FRAS1: variants seen among roughly 807,000 people sequenced by gnomAD.
FRAS1 encodes the protein extracellular matrix organizing protein FRAS1.
Under a neutral mutation model 435.2 loss-of-function variants are expected in FRAS1, and 290 were observed. That is an observed-to-expected ratio of 0.67 (90% confidence interval 0.61 to 0.73). The LOEUF (loss-of-function observed/expected upper bound fraction) is 0.73. Ranked by LOEUF, FRAS1 falls within the 30% of genes least tolerant of loss-of-function variation. The probability of loss-of-function intolerance (pLI) is 0.00; values close to 1 mark genes in which losing one functional copy is unlikely to be tolerated. For missense variants in FRAS1, 4,860 were observed against 5,001.5 expected (o/e 0.97, Z 0.85); for synonymous variants, 1,800 against 1,851.0 (o/e 0.97, Z 0.71).
chr4:78,206,747 G>A (rs979953887), intron 2 of FRAS1, among the ~76,000 whole-genome samples: 2 of 152,160 alleles, frequency 1.3e-5, no homozygotes, highest in Non-Finnish European at 2.9e-5. Flanking sequence ...GGGGGGCCTG[G>A]GGAAATTTTA....
chr4:78,256,209 A>C (rs559193745), intron 6 of FRAS1, among the ~76,000 whole-genome samples: 1 of 152,362 alleles, frequency 6.6e-6, no homozygotes, highest in East Asian at 1.9e-4. Flanking sequence ...TAGACAAGAA[A>C]TGCTAAATGC....
intron 54 of FRAS1, among the ~76,000 whole-genome samples, chr4:78,477,600 A>G (rs1370865788): frequency 1.3e-5 from 2 of 152,164 alleles, no homozygotes; most frequent in East Asian, 1.9e-4. Flanking sequence ...TCATGTCCTT[A>G]TACAATAAAG....
intron 20 of FRAS1, 38 bp from the exon 21 acceptor site, chr4:78,363,475 G>C: frequency 6.4e-7 from 1 of 1,573,906 alleles, no homozygotes; most frequent in Non-Finnish European, 8.6e-7. Flanking sequence ...GTGCTCATGA[G>C]CACCCGTGCC....
At position 78,358,853 on chromosome 4, in the gene FRAS1, G is replaced by T. The variant is rs147008405; in HGVS notation, c.2423-4660G>T. 2.8e-3 allele frequency among the ~76,000 whole-genome samples: 422 copies of T among 152,276 alleles called. 2 individuals are homozygous for T. Among genetic ancestry groups the T allele is most frequent in the Non-Finnish European group, 3.9e-3 (268 of 68,024 alleles). On this transcript the variant is annotated intron_variant, in intron 20 of 73. Transcript: ENST00000512123. ...GGAATATGATGTCGCTGCTAAAAAT[G>T]ATGTTTACAGGAGTCCCTAATGACA... is the stretch of plus-strand genomic sequence containing the variant.
At chr4:78,462,815 C>T (rs777795223) in intron 47 of FRAS1, among the ~76,000 whole-genome samples, 19 of 152,118 alleles carry the variant, frequency 1.2e-4, no homozygotes, top group Non-Finnish European at 2.2e-4. Context: ...CCCCCATATT[C>T]GGGAGGCTCT....
At chr4:78,261,601 A>G (rs1159009300) in intron 6 of FRAS1, among the ~76,000 whole-genome samples, 1 of 152,138 alleles carries the variant, frequency 6.6e-6, no homozygotes, top group Non-Finnish European at 1.5e-5. Flanking sequence ...CATGTGAGAG[A>G]TGCTGTCCTT....
At chr4:78,339,096 A>G (rs933627674) in intron 20 of FRAS1, among the ~76,000 whole-genome samples, 6 of 152,072 alleles carry the variant, frequency 3.9e-5, no homozygotes, top group African/African-American at 1.2e-4. Context: ...ATGTGAGTCT[A>G]TTGCTAGTGA....
At chr4:78,374,753 A>G (rs1451490115) in intron 25 of FRAS1, among the ~76,000 whole-genome samples, 1 of 152,196 alleles carries the variant, frequency 6.6e-6, no homozygotes, top group Admixed American at 6.5e-5. Context: ...AGAGAGTTTT[A>G]TCAGTTTGTT....
At chr4:78,307,743 G>A (rs939765548) in intron 14 of FRAS1, among the ~76,000 whole-genome samples, 2 of 152,320 alleles carry the variant, frequency 1.3e-5, no homozygotes, top group East Asian at 3.9e-4. Context: ...CCACTGACCT[G>A]CGCCCACTGT....
At chr4:78,186,749 T>C (rs1279461557) in intron 2 of FRAS1, among the ~76,000 whole-genome samples, 2 of 152,164 alleles carry the variant, frequency 1.3e-5, no homozygotes, top group Admixed American at 1.3e-4. Flanking sequence ...AACAAGAAGA[T>C]CGTAATGTGA....
chr4:78,346,382 A>G (rs1376822817), intron 20 of FRAS1, among the ~76,000 whole-genome samples: 2 of 152,200 alleles, frequency 1.3e-5, no homozygotes, highest in African/African-American at 4.8e-5. Context: ...TTACAGGCCA[A>G]GATAAGATTA....
At chr4:78,439,167 C>T in intron 40 of FRAS1, 103 bp downstream of exon 40, 2 of 956,964 alleles carry the variant, frequency 2.1e-6, no homozygotes, top group Non-Finnish European at 3.1e-6. Context: ...CAAATATTTC[C>T]CCCAAAATAT....
At chr4:78,487,947 G>A (rs149761520) in intron 58 of FRAS1, among the ~76,000 whole-genome samples, 1 of 152,198 alleles carries the variant, frequency 6.6e-6, no homozygotes, top group African/African-American at 2.4e-5. Context: ...ATTTGACTAC[G>A]GTCTCATCCT....
At chr4:78,509,256 T>A (rs575466518) in intron 63 of FRAS1, among the ~76,000 whole-genome samples, 1 of 152,332 alleles carries the variant, frequency 6.6e-6, no homozygotes, top group African/African-American at 2.4e-5. Flanking sequence ...TGTTAAGAGG[T>A]TACTTAATCT....
At chr4:78,473,675 G>A (rs968144258) in intron 53 of FRAS1, 78 bp downstream of exon 53, 4 of 1,115,456 alleles carry the variant, frequency 3.6e-6, no homozygotes, top group Admixed American at 2.4e-5. Flanking sequence ...GATGCTGGGG[G>A]GCAGCTCTAG....
At chr4:78,481,265 T>A (rs1328134453) in intron 56 of FRAS1, among the ~76,000 whole-genome samples, 1 of 152,210 alleles carries the variant, frequency 6.6e-6, no homozygotes, top group African/African-American at 2.4e-5. Context: ...AGATGAGTAA[T>A]AAGCACATGC....
chr4:78,324,369 T>G (rs1178673651), intron 18 of FRAS1, among the ~76,000 whole-genome samples: 5 of 152,240 alleles, frequency 3.3e-5, no homozygotes, highest in African/African-American at 1.2e-4. Context: ...GAGCGTCTTG[T>G]GTTTATCTGG....
At chr4:78,220,198 T>C (rs995108748) in intron 2 of FRAS1, among the ~76,000 whole-genome samples, 3 of 152,218 alleles carry the variant, frequency 2.0e-5, no homozygotes, top group African/African-American at 7.2e-5. Context: ...TTTCTTCTGC[T>C]TTTTCTGATG....
At chr4:78,528,450 G>A (rs1721610560) in intron 70 of FRAS1, among the ~76,000 whole-genome samples, 1 of 152,122 alleles carries the variant, frequency 6.6e-6, no homozygotes, top group Non-Finnish European at 1.5e-5. Flanking sequence ...GATAACCACA[G>A]ATCTGTTTTC....
Sources: gnomAD v4.1 joint callset for allele counts (sites outside exome capture counted in the v4.1 genomes callset) on GRCh38, gnomAD v4.1.1 for gene constraint, MANE v1.5 for transcripts, NCBI Gene and HGNC (gene_info 2026-07-23, HGNC 2026-07-21) for gene names.